Variants in CTNNA3 observed in about 807,000 individuals in gnomAD.
The protein encoded by CTNNA3 is catenin alpha 3.
In CTNNA3, 76 loss-of-function variants were observed where a neutral mutation model predicts 95.7. The observed-to-expected ratio is 0.79, with a 90% CI of 0.66 to 0.96. CTNNA3 has a LOEUF of 0.96. CTNNA3 is among the 40% of genes least tolerant of loss of function. The pLI is 0.00. For synonymous variants in CTNNA3, 431 were observed against 374.4 expected, an observed-to-expected ratio of 1.15 and a Z score of -1.74; for missense variants, 1,191 against 1,089.8, an observed-to-expected ratio of 1.09 and a Z score of -1.31.
intron 5 of CTNNA3, among the ~76,000 whole-genome samples, chr10:67,468,020 CTT>C (rs746617151): frequency 2.1e-4 from 30 of 142,290 alleles, no homozygotes; most frequent in Admixed American, 1.4e-4. Context: ...CTCCAACTTT[CTT>C]TTTTTTTTTT....
chr10:66,478,677 C>T (rs2441733), intron 11 of CTNNA3, among the ~76,000 whole-genome samples: 32,268 of 151,532 alleles, frequency 0.21, 6,551 homozygotes, highest in East Asian at 0.84. Context: ...AACAATGTAA[C>T]TAGTAATTTT....
intron 12 of CTNNA3, among the ~76,000 whole-genome samples, chr10:66,355,149 A>T (rs1272423897): frequency 6.6e-6 from 1 of 152,134 alleles, no homozygotes; most frequent in Admixed American, 6.5e-5. Flanking sequence ...ATACGATTTA[A>T]AAGAAATACA....
At chr10:67,167,115 GA>G (rs71006133) in intron 7 of CTNNA3, among the ~76,000 whole-genome samples, 2,364 of 137,204 alleles carry the variant, frequency 0.017, 31 homozygotes, top group African/African-American at 0.026. Context: ...TCAAAAAAAA[GA>G]AAAAAAAAAA....
intron 11 of CTNNA3, among the ~76,000 whole-genome samples, chr10:66,399,449 C>T (rs2093003415): frequency 6.6e-6 from 1 of 151,882 alleles, no homozygotes; most frequent in South Asian, 2.1e-4. Context: ...CTTTGACAGT[C>T]AAGAGTAAGT....
At position 67,587,759 on chromosome 10, in the gene CTNNA3, C is replaced by G. The variant is rs374153181; in HGVS notation, c.292+19098G>C. The stretch of plus-strand genomic sequence containing the variant: ...CTGGATATCTAAATCTCCTGTTATA[C>G]TTGAGAAGTTTTCATCTATTATTTC... On this transcript the variant is annotated intron_variant, in intron 3 of 17. Coordinates refer to ENST00000433211, the MANE Select transcript of CTNNA3 (RefSeq NM_013266.4). Among the ~76,000 whole-genome samples, 8 of 152,240 alleles carry G rather than the reference C, an allele frequency of 5.3e-5. No homozygotes were observed. The East Asian group carries it at 1.2e-3, about 22-fold the overall frequency.
At chr10:66,343,458 G>A (rs1481673025) in intron 12 of CTNNA3, among the ~76,000 whole-genome samples, 6 of 151,846 alleles carry the variant, frequency 4.0e-5, no homozygotes, top group East Asian at 1.9e-4. Context: ...ATTATGTTGC[G>A]TGAAATAAGC....
intron 17 of CTNNA3, among the ~76,000 whole-genome samples, chr10:65,965,506 G>A (rs1441972661): frequency 4.2e-5 from 6 of 142,712 alleles, no homozygotes; most frequent in African/African-American, 1.3e-4. Flanking sequence ...CTGGGTTCAA[G>A]TAATTCTTGT....
intron 5 of CTNNA3, among the ~76,000 whole-genome samples, chr10:67,333,759 C>T (rs1434595938): frequency 6.6e-6 from 1 of 152,132 alleles, no homozygotes; most frequent in East Asian, 1.9e-4. Context: ...GGTCACTGGC[C>T]TCCTTGGGCC....
At chr10:66,117,595 T>C (rs1277517042) in intron 13 of CTNNA3, among the ~76,000 whole-genome samples, 1 of 152,160 alleles carries the variant, frequency 6.6e-6, no homozygotes, top group Non-Finnish European at 1.5e-5. Context: ...TCAAGAAACA[T>C]TGCAGCTTTT....
chr10:66,168,439 G>A (rs2085252824), intron 13 of CTNNA3, among the ~76,000 whole-genome samples: 2 of 152,040 alleles, frequency 1.3e-5, no homozygotes, highest in East Asian at 1.9e-4. Context: ...ATGGCTTACT[G>A]TACACTATCG....
chr10:66,569,584 A>G (rs2078677664), intron 10 of CTNNA3, among the ~76,000 whole-genome samples: 1 of 152,206 alleles, frequency 6.6e-6, no homozygotes, highest in Admixed American at 6.5e-5. Flanking sequence ...TTATTCAAAA[A>G]TTATAATAAG....
At chr10:66,426,579 G>A (rs1398618845) in intron 11 of CTNNA3, among the ~76,000 whole-genome samples, 1 of 151,734 alleles carries the variant, frequency 6.6e-6, no homozygotes, top group Non-Finnish European at 1.5e-5. Context: ...AAACTTAATT[G>A]CTTTGTTCTT....
At chr10:67,343,915 ATATATTT>A (rs1358878382) in intron 5 of CTNNA3, among the ~76,000 whole-genome samples, 1 of 147,768 alleles carries the variant, frequency 6.8e-6, no homozygotes, top group African/African-American at 2.5e-5. Flanking sequence ...TTATTATATT[ATATATTT>A]TATATTTTAT....
chr10:66,106,964 G>T (rs1427535922), intron 13 of CTNNA3, among the ~76,000 whole-genome samples: 1 of 152,164 alleles, frequency 6.6e-6, no homozygotes, highest in Non-Finnish European at 1.5e-5. Context: ...GTGCTAAACA[G>T]GGTTTAATAT....
At chr10:66,982,973 G>A (rs1042360330) in intron 7 of CTNNA3, among the ~76,000 whole-genome samples, 9 of 152,100 alleles carry the variant, frequency 5.9e-5, no homozygotes, top group South Asian at 2.1e-4. Context: ...CTCTGAAGGC[G>A]CCCTCGGCTC....
intron 11 of CTNNA3, among the ~76,000 whole-genome samples, chr10:66,513,028 A>T (rs995104872): frequency 3.9e-5 from 6 of 152,100 alleles, no homozygotes; most frequent in Non-Finnish European, 7.4e-5. Flanking sequence ...TGAGCTCCCT[A>T]TATCTAGATG....
chr10:66,588,045 C>T (rs1349113053), intron 10 of CTNNA3, among the ~76,000 whole-genome samples: 1 of 152,178 alleles, frequency 6.6e-6, no homozygotes, highest in Non-Finnish European at 1.5e-5. Context: ...CTGTGAGGTC[C>T]CCTGTGAGGT....
At chr10:67,763,558 A>G (rs1409453615) in exon 1 of CTNNA3, among the ~76,000 whole-genome samples, 1 of 152,232 alleles carries the variant, frequency 6.6e-6, no homozygotes, top group East Asian at 1.9e-4. Context: ...AACTTCAACT[A>G]GTAAAAGGCC....
intron 7 of CTNNA3, among the ~76,000 whole-genome samples, chr10:66,783,648 C>A (rs76356245): frequency 2.7e-5 from 1 of 37,526 alleles, no homozygotes; most frequent in East Asian, 2.5e-3. Context: ...GCTCATATGG[C>A]AACGACTTTG....
Sources: allele counts gnomAD v4.1 joint callset (sites outside exome capture counted in the v4.1 genomes callset), GRCh38; gene constraint gnomAD v4.1.1; transcripts MANE v1.5; gene names NCBI Gene and HGNC (gene_info 2026-07-23, HGNC 2026-07-21).